The following DENND2B variants were observed in gnomAD, a reference collection of about 807,000 sequenced individuals.
The protein encoded by DENND2B is DENN domain containing 2B.
DENND2B carries 32 observed loss-of-function variants against 116.0 expected under a neutral mutation model. The observed-to-expected ratio is 0.28, with a 90% CI of 0.21 to 0.37. The LOEUF (loss-of-function observed/expected upper bound fraction) is 0.37, where lower values mean the gene tolerates loss of function less well. DENND2B is among the 10% of genes least tolerant of loss of function. DENND2B has a pLI of 1.00. For synonymous variants in DENND2B, 588 were observed against 583.9 expected, an observed-to-expected ratio of 1.01 and a Z score of -0.10; for missense variants, 1,276 against 1,477.7, an observed-to-expected ratio of 0.86 and a Z score of 2.24.
In DENND2B at chr11:8,697,564, C is replaced by T. The variant is rs185055817; in HGVS notation, c.3013G>A (p.Glu1005Lys). 1.2e-5 allele frequency: 19 copies of T among 1,614,212 alleles called. No individual in the cohort carries two copies. In the East Asian group the frequency reaches 3.3e-4, roughly 28 times the overall value. The part of the protein sequence containing the change: ...ALEQALERKN[E>K]LISQDSDSDS... ...CTGTCAGAGTCCTGGGAGATCAGCT[C>T]ATTCTTCCTCTCCAGAGCCTGCTCC... The change falls in exon 17 of 20, where the codon GAG (glutamate) becomes AAG (lysine). Residue 1005 changes from glutamate (E) to lysine (K), a missense_variant. Coordinates refer to ENST00000313726, the MANE Select transcript of DENND2B (RefSeq NM_213618.2).
intron 1 of DENND2B, among the ~76,000 whole-genome samples, chr11:8,756,728 T>A (rs2053669312): frequency 6.6e-6 from 1 of 152,230 alleles, no homozygotes; most frequent in South Asian, 2.1e-4. Flanking sequence ...TCTCCCCACC[T>A]CCTACAAGCA....
At chr11:8,873,386 T>C (rs1331655650), upstream of DENND2B, among the ~76,000 whole-genome samples, 1 of 152,244 alleles carries the variant, frequency 6.6e-6, no homozygotes, top group African/African-American at 2.4e-5. Flanking sequence ...TGCATGGAAC[T>C]GTTTTAATTC....
At chr11:8,886,990 G>A (rs936382707) in intron 1 of DENND2B, among the ~76,000 whole-genome samples, 7 of 151,926 alleles carry the variant, frequency 4.6e-5, no homozygotes, top group African/African-American at 1.5e-4. Context: ...CACCACACCC[G>A]GCTAATTTTG....
chr11:8,804,160 G>T (rs1335096274), intron 1 of DENND2B, among the ~76,000 whole-genome samples: 1 of 152,234 alleles, frequency 6.6e-6, no homozygotes, highest in Non-Finnish European at 1.5e-5. Flanking sequence ...GTGGGCGGCT[G>T]CCGTGTCCTC....
At chr11:8,849,788 A>C (rs1488536355) in intron 3 of DENND2B, among the ~76,000 whole-genome samples, 3 of 148,888 alleles carry the variant, frequency 2.0e-5, no homozygotes, top group African/African-American at 7.5e-5. Flanking sequence ...GCCCCACTGT[A>C]CTCCAGCCTG....
intron 2 of DENND2B, among the ~76,000 whole-genome samples, chr11:8,879,410 AT>A (rs2134725071): frequency 6.6e-6 from 1 of 152,358 alleles, no homozygotes; most frequent in South Asian, 2.1e-4. Flanking sequence ...TTATTGCAGC[AT>A]AAGCTTAGCT....
intron 1 of DENND2B, among the ~76,000 whole-genome samples, chr11:8,765,612 A>G (rs1021388938): frequency 6.6e-6 from 1 of 152,268 alleles, no homozygotes; most frequent in Non-Finnish European, 1.5e-5. Flanking sequence ...CTGATATGCT[A>G]TGCAGTACCT....
In DENND2B at chr11:8,730,277, G is replaced by A. The variant is rs751363206; in HGVS notation, c.1013C>T (p.Ala338Val). 1 of 1,609,594 alleles carries A rather than the reference G, an allele frequency of 6.2e-7. No individual in the cohort carries two copies. Among genetic ancestry groups the A allele is most frequent in the Non-Finnish European group, 8.5e-7 (1 of 1,179,164 alleles). ...GGASVSAGSR[A>V]VGVAGVAGEA... ...CCCCGCAACACCAGCCACTCCGACT[G>A]CCCGGCTGCCAGCGCTCACACTCGC... Residue 338 changes from alanine (A) to valine (V), a missense_variant, in exon 3 of 20, where the codon GCA (alanine) becomes GTA (valine). By Grantham distance (64) the Ala-to-Val change is moderately conservative. Around this residue, in one of 2 missense-constraint regions of DENND2B, gnomAD observed 856 missense variants for 846.6 expected, o/e 1.01. Transcript: ENST00000313726. The surrounding 1 kb of genome is among the most constrained non-coding windows in gnomAD (Gnocchi z 4.1).
At position 8,731,077 on chromosome 11, in the gene DENND2B, G is replaced by C; in HGVS notation, c.213C>G (p.His71Gln). ...GATTCTGGGGTGAAGGAGCTGGGGGGTGCCGGTCCTTGAGGAGCACCCGGG... is the reference window on the plus strand; with the variant it reads ...GATTCTGGGGTGAAGGAGCTGGGGGCTGCCGGTCCTTGAGGAGCACCCGGG... ...SSSRVLLKDR[H>Q]PPAPSPQNPQ... is the part of the protein sequence containing the mutation. The change falls in exon 3 of 20, where the codon CAC becomes CAG. Residue 71 changes from histidine (H) to glutamine (Q), a missense_variant. His to Gln is a conservative substitution (Grantham distance 24). Transcript: ENST00000313726. 6.2e-7 allele frequency: 1 copy of C among 1,613,082 alleles called. No homozygotes were observed. The highest frequency in any genetic ancestry group is 8.5e-7 in the Non-Finnish European group (1 of 1,179,252).
upstream of DENND2B, chr11:8,811,343 G>A: frequency 2.5e-6 from 1 of 398,612 alleles, no homozygotes; most frequent in Non-Finnish European, 4.4e-6. Context: ...TTCCTGAAAT[G>A]GAGAGCAAAG....
chr11:8,726,334 C>T lies in DENND2B; in HGVS notation c.1341-125G>A. 1.2e-5 allele frequency: 16 copies of T among 1,292,818 alleles called. No individual in the cohort carries two copies. The South Asian group carries it at 2.3e-4, about 18-fold the overall frequency. 80.1% of individuals were successfully genotyped at this position (1,292,818 alleles called of 1,614,324 possible). A position where few individuals can be genotyped will look rare whatever the true frequency, so the allele number is the denominator to read the frequency against. The stretch of plus-strand genomic sequence containing the variant: ...ACAAAGGCAGCTTCTGAAAGAGCAT[C>T]AAGGTGGGTCCAAACTTACCATCCA... On this transcript the variant is annotated intron_variant, in intron 3 of 19. Coordinates refer to ENST00000313726, the MANE Select transcript of DENND2B (RefSeq NM_213618.2).
At chr11:8,891,716 T>C (rs1341161957) in intron 1 of DENND2B, among the ~76,000 whole-genome samples, 1 of 152,184 alleles carries the variant, frequency 6.6e-6, no homozygotes, top group Non-Finnish European at 1.5e-5. Context: ...ATGCACCCAA[T>C]ACAGAAGCAC....
At chr11:8,758,558 C>T (rs529360299) in intron 1 of DENND2B, among the ~76,000 whole-genome samples, 50 of 152,344 alleles carry the variant, frequency 3.3e-4, no homozygotes, top group African/African-American at 1.1e-3. Flanking sequence ...ACATGTCTCA[C>T]TTGGCCTTCC....
intron 2 of DENND2B, among the ~76,000 whole-genome samples, chr11:8,738,559 A>C (rs530938397): frequency 6.6e-6 from 1 of 152,204 alleles, no homozygotes; most frequent in Admixed American, 6.5e-5. Flanking sequence ...ATGTCCTATC[A>C]ATTCTACTTC....
chr11:8,782,686 A>C (rs1247976855), intron 1 of DENND2B, among the ~76,000 whole-genome samples: 1 of 152,138 alleles, frequency 6.6e-6, no homozygotes, highest in East Asian at 1.9e-4. Context: ...GGAGATCAAG[A>C]TCATCCTGGC....
intron 1 of DENND2B, among the ~76,000 whole-genome samples, chr11:8,896,520 G>A (rs1416288085): frequency 1.3e-5 from 2 of 152,174 alleles, no homozygotes; most frequent in African/African-American, 4.8e-5. Context: ...CTGGCAAATC[G>A]TTTAACATAA....
chr11:8,811,394 G>C (rs914380386), upstream of DENND2B: 1 of 398,468 alleles, frequency 2.5e-6, no homozygotes, highest in Non-Finnish European at 4.4e-6. Flanking sequence ...GGCAAGTCGA[G>C]AGTCACAACC....
intron 2 of DENND2B, among the ~76,000 whole-genome samples, chr11:8,749,361 T>C (rs888110642): frequency 8.5e-5 from 13 of 152,222 alleles, no homozygotes; most frequent in African/African-American, 3.1e-4. Context: ...ATGAGAGGGA[T>C]TGCCTGGGCA....
chr11:8,715,762 C>T lies in DENND2B; in HGVS notation c.1686G>A (p.Lys562=). The T allele has an allele frequency of 6.2e-7, 1 of 1,613,968 alleles. No homozygotes were observed. The highest frequency in any genetic ancestry group is 8.5e-7 in the Non-Finnish European group (1 of 1,179,876). ...SLRSGNWSER[K]SHRLPRLPKR... is the part of the protein sequence containing the mutation. ...TGGGTAATCGTGGCAGCCGGTGGCTCTTCCTTTCTGACCAGTTCCCACTGC... is the reference window on the plus strand; with the variant it reads ...TGGGTAATCGTGGCAGCCGGTGGCTTTTCCTTTCTGACCAGTTCCCACTGC... The change falls in exon 6 of 20, where the codon AAG becomes AAA. Residue 562 remains lysine, a synonymous_variant. Coordinates refer to ENST00000313726, the MANE Select transcript of DENND2B (RefSeq NM_213618.2).
Sources: gnomAD v4.1 joint callset for allele counts (sites outside exome capture counted in the v4.1 genomes callset) on GRCh38, gnomAD v4.1.1 for gene constraint, gnomAD v4.1.1 regional missense constraint, Gnocchi (gnomAD v3.1) non-coding constraint, MANE v1.5 for transcripts, NCBI Gene and HGNC (gene_info 2026-07-23, HGNC 2026-07-21) for gene names.